SAMM50: variants seen among roughly 807,000 people sequenced by gnomAD.
SAMM50 encodes the protein sorting and assembly machinery component 50 homolog.
In SAMM50, 47 loss-of-function variants were observed where a neutral mutation model predicts 66.9. The observed-to-expected ratio is 0.70, with a 90% CI of 0.56 to 0.90. SAMM50 has a LOEUF of 0.90. Among genes scored for constraint, SAMM50 ranks in the 40% least tolerant of loss-of-function variants. The pLI is 0.00. For synonymous variants in SAMM50, 191 were observed against 214.1 expected (o/e 0.89, Z 0.94); for missense variants, 535 against 595.3 (o/e 0.90, Z 1.05).
intron 4 of SAMM50, among the ~76,000 whole-genome samples, chr22:43,970,593 G>C (rs2050198320): frequency 6.6e-6 from 1 of 152,166 alleles, no homozygotes; most frequent in African/African-American, 2.4e-5. Flanking sequence ...CTGGACTTGA[G>C]TTAATAATTG....
intron 7 of SAMM50, among the ~76,000 whole-genome samples, chr22:43,973,675 G>A (rs765589482): frequency 1.6e-4 from 25 of 152,104 alleles, no homozygotes; most frequent in African/African-American, 2.9e-4. Flanking sequence ...TGCTCTTGTC[G>A]CCCAGGCTGG....
At chr22:43,994,119 G>A (rs2050340084) in intron 14 of SAMM50, among the ~76,000 whole-genome samples, 1 of 152,150 alleles carries the variant, frequency 6.6e-6, no homozygotes, top group South Asian at 2.1e-4. Flanking sequence ...GCAGGTCCCT[G>A]AGCTGAATCT....
At chr22:43,975,955 A>G in intron 7 of SAMM50, 100 bp from the exon 8 acceptor site, 1 of 1,247,146 alleles carries the variant, frequency 8.0e-7, no homozygotes, top group African/African-American at 1.5e-5. Flanking sequence ...AAAATTAGAT[A>G]TTTAGTTCAT....
intron 10 of SAMM50, among the ~76,000 whole-genome samples, 182 bp from the exon 11 acceptor site, chr22:43,981,209 C>T (rs1053539002): frequency 9.2e-5 from 14 of 152,232 alleles, no homozygotes; most frequent in Non-Finnish European, 1.9e-4. Flanking sequence ...ATAGAATCCA[C>T]GTGGCCCTTC....
At position 43,955,529 on chromosome 22, in the gene SAMM50, C is replaced by T. The variant is rs2050114207; in HGVS notation, c.-49C>T. 2 of 1,581,314 alleles carry T rather than the reference C, an allele frequency of 1.3e-6. No individual in the cohort carries two copies. Among genetic ancestry groups the T allele is most frequent in the African/African-American group, 2.7e-5 (2 of 74,590 alleles). The stretch of plus-strand genomic sequence containing the variant: ...CGCCTTCTGCCCTCAGCAGCAGACG[C>T]TCTGTCCCGCCCGGGCAGCTCTGCG... On this transcript the variant is annotated 5_prime_UTR_variant, in exon 1 of 15. Coordinates refer to ENST00000350028, the MANE Select transcript of SAMM50 (RefSeq NM_015380.5).
intron 14 of SAMM50, among the ~76,000 whole-genome samples, chr22:43,995,910 A>T (rs2050350919): frequency 6.6e-6 from 1 of 152,044 alleles, no homozygotes; most frequent in Non-Finnish European, 1.5e-5. Flanking sequence ...CTGGTTTCCT[A>T]AGCCCCGGGA....
At chr22:43,973,774 C>T (rs983651977) in intron 7 of SAMM50, among the ~76,000 whole-genome samples, 3 of 152,116 alleles carry the variant, frequency 2.0e-5, no homozygotes, top group Non-Finnish European at 4.4e-5. Context: ...CCGTGCCCAG[C>T]TAATTTTTGT....
rs1195010191 is a variant in SAMM50, at chr22:43,989,253, C to A, written c.1218C>A (p.Asn406Lys). The A allele has an allele frequency of 1.2e-6, 2 of 1,613,998 alleles. No homozygotes were observed. The highest frequency in any genetic ancestry group is 1.7e-6 in the Non-Finnish European group (2 of 1,179,960). The change falls in exon 13 of 15, where the codon AAC (asparagine) becomes AAA (lysine). Residue 406 changes from asparagine (N) to lysine (K), a missense_variant. By Grantham distance (94) the Asn-to-Lys change is moderately conservative (BLOSUM62 0). Transcript: ENST00000350028. ...ACGCAGGAAACCTCTGCAACCTCAA[C>A]TATGGTAAAACTTGCGCTATTCAAG... The part of the protein sequence containing the change: ...FLNAGNLCNL[N>K]YGEGPKAHIR...
intron 1 of SAMM50, chr22:43,956,993 C>T (rs1176167292): frequency 1.5e-6 from 1 of 675,030 alleles, no homozygotes; most frequent in Non-Finnish European, 2.6e-6. Context: ...GCTCCTGTGG[C>T]GGCCTGCCGG....
In SAMM50 at chr22:43,983,371, C is replaced by T. The variant is rs189273855; in HGVS notation, c.1008-562C>T. ...TTTTATGTAATTAATTTTTAATTCA[C>T]GCTTTTCATATTATTCAGATATGGT... On this transcript the variant is annotated intron_variant, in intron 11 of 14. Transcript: ENST00000350028. This position sits in a 1 kb window ranked among gnomAD's most constrained non-coding sequence, Gnocchi z 4.2. Among the ~76,000 whole-genome samples the T allele has an allele frequency of 4.6e-5, 7 of 152,234 alleles. No individual in the cohort carries two copies. The highest frequency in any genetic ancestry group is 4.1e-4 in the South Asian group (2 of 4,826).
intron 14 of SAMM50, among the ~76,000 whole-genome samples, chr22:43,995,900 C>G (rs1040268049): frequency 6.6e-6 from 1 of 152,148 alleles, no homozygotes; most frequent in African/African-American, 2.4e-5. Context: ...GTGGGTACTG[C>G]TGGTTTCCTA....
intron 7 of SAMM50, among the ~76,000 whole-genome samples, chr22:43,973,549 C>T (rs6006466): frequency 0.64 from 96,813 of 152,062 alleles, 31,357 homozygotes; most frequent in East Asian, 0.83. Context: ...CCTGACTACC[C>T]GAGGCACCAT....
intron 1 of SAMM50, chr22:43,957,028 T>C (rs2050123165): frequency 1.2e-6 from 1 of 842,718 alleles, no homozygotes; most frequent in South Asian, 1.4e-5. Context: ...AAAGGAAATA[T>C]GTCTGGAAGG....
rs139459584 is a variant in SAMM50, at chr22:43,962,507, A to G, written c.22-779A>G. ...GAAGTTGCTTTAATATTTTGAGGTA[A>G]TATCAATTCAGATTATAGAAAGAGA... On this transcript the variant is annotated intron_variant, in intron 1 of 14. Coordinates refer to ENST00000350028, the MANE Select transcript of SAMM50 (RefSeq NM_015380.5). Among the ~76,000 whole-genome samples, 609 of 152,352 alleles carry G rather than the reference A, an allele frequency of 4.0e-3. 1 individual carries two copies. Among genetic ancestry groups the G allele is most frequent in the Non-Finnish European group, 7.1e-3 (484 of 68,040 alleles).
rs2050122944 is a variant in SAMM50, at chr22:43,957,001, CGGG to C, written c.21+1404_21+1406del. 12 of 714,294 alleles carry C rather than the reference CGGG, an allele frequency of 1.7e-5. No individual in the cohort carries two copies. In the East Asian group the frequency reaches 3.2e-4, roughly 19 times the overall value. 44.2% of individuals were successfully genotyped at this position (714,294 alleles called of 1,614,324 possible). A position where few individuals can be genotyped will look rare whatever the true frequency, so the allele number is the denominator to read the frequency against. On this transcript the variant is annotated intron_variant, in intron 1 of 14. Transcript: ENST00000350028. Reference sequence around the variant, plus strand: ...CATCTTGGCTCCTGTGGCGGCCTGCCGGGAGCAGGACTTCTGAAAGGAAATATG... The same window carrying C: ...CATCTTGGCTCCTGTGGCGGCCTGCCAGCAGGACTTCTGAAAGGAAATATG...
At chr22:43,996,023 T>C (rs1213459806) in intron 14 of SAMM50, among the ~76,000 whole-genome samples, 1 of 152,188 alleles carries the variant, frequency 6.6e-6, no homozygotes, top group Admixed American at 6.5e-5. Context: ...GCTCCGCCTC[T>C]CATCGGCCCT....
intron 1 of SAMM50, among the ~76,000 whole-genome samples, chr22:43,956,441 G>T (rs2050119977): frequency 6.6e-6 from 1 of 152,142 alleles, no homozygotes; most frequent in South Asian, 2.1e-4. Context: ...ATCGATAATT[G>T]GACTTAACTT....
chr22:43,980,987 C>T (rs1025057543), intron 10 of SAMM50, among the ~76,000 whole-genome samples: 5 of 152,186 alleles, frequency 3.3e-5, no homozygotes, highest in Non-Finnish European at 5.9e-5. Context: ...GCCTAAAATG[C>T]GTGTGCCCTG....
At chr22:43,985,196 G>A (rs145875386) in intron 12 of SAMM50, among the ~76,000 whole-genome samples, 24 of 152,122 alleles carry the variant, frequency 1.6e-4, no homozygotes, top group Admixed American at 1.0e-3. Flanking sequence ...GATTGGTGAA[G>A]CAATATGATA....
Sources: allele counts gnomAD v4.1 joint callset (sites outside exome capture counted in the v4.1 genomes callset), GRCh38; gene constraint gnomAD v4.1.1; non-coding constraint Gnocchi (gnomAD v3.1); transcripts MANE v1.5; gene names NCBI Gene and HGNC (gene_info 2026-07-23, HGNC 2026-07-21).